The following NDUFA13 variants were observed in gnomAD, a reference collection of about 807,000 sequenced individuals.
The protein encoded by NDUFA13 is NADH:ubiquinone oxidoreductase subunit A13.
Under a neutral mutation model 17.0 loss-of-function variants are expected in NDUFA13, and 16 were observed. That is an observed-to-expected ratio of 0.94 (90% CI 0.64 to 1.43). The LOEUF is 1.43. NDUFA13 is among the 40% of genes most tolerant of loss of function. The pLI is 0.00. For missense variants in NDUFA13, 228 were observed against 206.7 expected (o/e 1.10, Z -0.63); for synonymous variants, 87 against 78.4 (o/e 1.11, Z -0.58).
rs575940919 is a variant in NDUFA13, at chr19:19,526,585, T to C, written c.173+325T>C. On this transcript the variant is annotated intron_variant, in intron 2 of 4. Coordinates refer to ENST00000507754, the MANE Select transcript of NDUFA13 (RefSeq NM_015965.7). The stretch of plus-strand genomic sequence containing the variant: ...CAAAAAATGTGTCTAGTGAGGAGGG[T>C]TGGGACCCGTGGATCCAGATTAGGA... 136 of 400,406 alleles carry C rather than the reference T, an allele frequency of 3.4e-4. 1 individual carries two copies. Among genetic ancestry groups the C allele is most frequent in the Non-Finnish European group, 4.9e-4 (103 of 209,698 alleles). The allele number at this position is 400,406 out of a possible 1,614,324, so 24.8% of individuals were successfully genotyped here. A position where few individuals can be genotyped will look rare whatever the true frequency, so the allele number is the denominator to read the frequency against.
intron 3 of NDUFA13, 132 bp downstream of exon 3, chr19:19,527,484 A>G: frequency 8.4e-7 from 1 of 1,187,692 alleles, no homozygotes. Flanking sequence ...CTGCATCCTC[A>G]GGCGTGGAGA....
At chr19:19,522,134 A>C (rs1488274370) in intron 1 of NDUFA13, among the ~76,000 whole-genome samples, 5 of 151,832 alleles carry the variant, frequency 3.3e-5, no homozygotes, top group Non-Finnish European at 7.4e-5. Context: ...GCAAAACCCC[A>C]TCTCTACTAA....
rs765662998 is a variant in NDUFA13, at chr19:19,527,693, C to T, written c.246-8C>T. On this transcript the variant is annotated splice_region_variant and splice_polypyrimidine_tract_variant and intron_variant, in intron 3 of 4. Coordinates refer to ENST00000507754, the MANE Select transcript of NDUFA13 (RefSeq NM_015965.7). ...GCCCCACCCCCACCATCGGCCCCATCCCCACAGGACCTTGCAGATGCTTCG... is the reference window on the plus strand; with the variant it reads ...GCCCCACCCCCACCATCGGCCCCATTCCCACAGGACCTTGCAGATGCTTCG... The T allele has an allele frequency of 1.8e-5, 28 of 1,551,090 alleles. No homozygotes were observed. In the South Asian group the frequency reaches 2.5e-4, roughly 14 times the overall value.
intron 1 of NDUFA13, among the ~76,000 whole-genome samples, chr19:19,522,457 T>G (rs1355735056): frequency 2.7e-5 from 4 of 150,932 alleles, no homozygotes; most frequent in Non-Finnish European, 5.9e-5. Context: ...GTTTCAGCTC[T>G]TACGCTTAGG....
At chr19:19,527,162 G>GCCA in intron 2 of NDUFA13, 119 bp from the exon 3 acceptor site, 3 of 837,466 alleles carry the variant, frequency 3.6e-6, no homozygotes, top group Non-Finnish European at 3.5e-6. Context: ...CCCCCTGCCT[G>GCCA]CCTCCCCGCC....
chr19:19,519,208 G>C (rs562226544), intron 1 of NDUFA13, among the ~76,000 whole-genome samples: 3 of 151,946 alleles, frequency 2.0e-5, no homozygotes, highest in African/African-American at 7.3e-5. Context: ...ATTCTTCTCC[G>C]GTGTAACCTG....
chr19:19,521,070 C>T (rs1429444784), intron 1 of NDUFA13, among the ~76,000 whole-genome samples: 2 of 152,220 alleles, frequency 1.3e-5, no homozygotes, highest in African/African-American at 4.8e-5. Context: ...ACCACTGGAT[C>T]ATATGGTAAC....
At chr19:19,516,591 G>T (rs2061050221) in intron 1 of NDUFA13, among the ~76,000 whole-genome samples, 1 of 152,220 alleles carries the variant, frequency 6.6e-6, no homozygotes, top group South Asian at 2.1e-4. Flanking sequence ...CTGAGTCATA[G>T]CCTGTGCTCT....
At chr19:19,522,300 A>G (rs991737206) in intron 1 of NDUFA13, among the ~76,000 whole-genome samples, 119 of 151,962 alleles carry the variant, frequency 7.8e-4, no homozygotes, top group Non-Finnish European at 5.3e-4. Context: ...GTGAGACTCC[A>G]TCTCAAAAAT....
Position 19,516,228 on chromosome 19 carries a change from A to C in NDUFA13, c.-11A>C, listed in dbSNP as rs2061047040. On this transcript the variant is annotated 5_prime_UTR_variant, in exon 1 of 5. Coordinates refer to ENST00000507754, the MANE Select transcript of NDUFA13 (RefSeq NM_015965.7). ...TTCCGCCCGGGACCGGAAGTGTGGGATACTGCGAGTATGGCGGCGTCAAAG... is the reference window on the plus strand; with the variant it reads ...TTCCGCCCGGGACCGGAAGTGTGGGCTACTGCGAGTATGGCGGCGTCAAAG... The C allele has an allele frequency of 2.5e-6, 4 of 1,614,106 alleles. No individual in the cohort carries two copies. The highest frequency in any genetic ancestry group is 3.4e-6 in the Non-Finnish European group (4 of 1,180,046).
At chr19:19,520,754 G>T (rs542547679) in intron 1 of NDUFA13, among the ~76,000 whole-genome samples, 1 of 152,014 alleles carries the variant, frequency 6.6e-6, no homozygotes. Context: ...AAGAAACCCC[G>T]TCTTCCCTAT....
chr19:19,525,665 T>C (rs1372195752), intron 1 of NDUFA13, among the ~76,000 whole-genome samples: 1 of 152,100 alleles, frequency 6.6e-6, no homozygotes, highest in East Asian at 1.9e-4. Context: ...CCACTGGTGC[T>C]CAGTAAATAT....
chr19:19,526,116 G>A (rs1291976288), intron 1 of NDUFA13, 66 bp from the exon 2 acceptor site: 11 of 1,590,728 alleles, frequency 6.9e-6, no homozygotes, highest in Middle Eastern at 1.7e-4. Context: ...AGTGGGCAGC[G>A]CCTGGAGCTG....
intron 2 of NDUFA13, 26 bp downstream of exon 2, chr19:19,526,286 G>T: frequency 6.2e-7 from 1 of 1,612,864 alleles, no homozygotes; most frequent in African/African-American, 1.3e-5. Context: ...GGCGTTGTCT[G>T]AAAGTGCCCC....
At chr19:19,520,178 A>G (rs1307730184) in intron 1 of NDUFA13, among the ~76,000 whole-genome samples, 1 of 151,844 alleles carries the variant, frequency 6.6e-6, no homozygotes, top group Non-Finnish European at 1.5e-5. Context: ...CCGCTTCTGA[A>G]GTGACTTCAC....
intron 2 of NDUFA13, 117 bp from the exon 3 acceptor site, chr19:19,527,157 TGCCTGCC>T: frequency 3.2e-6 from 1 of 311,508 alleles, no homozygotes; most frequent in Admixed American, 5.5e-5. Flanking sequence ...CCCTGCCCCC[TGCCTGCC>T]TCCCCGCCCC....
intron 1 of NDUFA13, among the ~76,000 whole-genome samples, chr19:19,517,819 G>A (rs1253090168): frequency 1.3e-5 from 2 of 151,878 alleles, no homozygotes; most frequent in Non-Finnish European, 2.9e-5. Context: ...GAGCCACCGC[G>A]GCCAACCTCC....
At chr19:19,527,123 C>G (rs955719013) in intron 2 of NDUFA13, among the ~76,000 whole-genome samples, 158 bp from the exon 3 acceptor site, 1 of 152,212 alleles carries the variant, frequency 6.6e-6, no homozygotes, top group Non-Finnish European at 1.5e-5. Context: ...CTGCCCACAG[C>G]CCTTGCCCTT....
chr19:19,520,639 A>G (rs2061072557), intron 1 of NDUFA13, among the ~76,000 whole-genome samples: 1 of 151,932 alleles, frequency 6.6e-6, no homozygotes, highest in Non-Finnish European at 1.5e-5. Flanking sequence ...CAAAAAAAAT[A>G]ATAATAATAT....
Sources: gnomAD v4.1 joint callset for allele counts (sites outside exome capture counted in the v4.1 genomes callset) on GRCh38, gnomAD v4.1.1 for gene constraint, MANE v1.5 for transcripts, NCBI Gene and HGNC (gene_info 2026-07-23, HGNC 2026-07-21) for gene names.